TRIO: variants seen among roughly 807,000 people sequenced by gnomAD.
The protein encoded by TRIO is trio Rho guanine nucleotide exchange factor, also known as triple functional domain protein.
In TRIO, 58 loss-of-function variants were observed where a neutral mutation model predicts 351.9. The observed-to-expected ratio is 0.16, with a 90% CI of 0.13 to 0.21. The LOEUF is 0.21. TRIO is among the 10% of genes least tolerant of loss of function. The pLI, the probability that TRIO is intolerant of heterozygous loss-of-function variation, is 1.00. For synonymous variants in TRIO, 1,758 were observed against 1,595.7 expected (o/e 1.10, Z -2.42); for missense variants, 3,201 against 4,027.8 (o/e 0.79, Z 5.56).
chr5:14,461,708 C>A (rs1469619786), intron 35 of TRIO, among the ~76,000 whole-genome samples: 1 of 152,194 alleles, frequency 6.6e-6, no homozygotes, highest in Non-Finnish European at 1.5e-5. Flanking sequence ...AGTCTCTGAG[C>A]TGATCATTGT....
chr5:14,290,601 C>T, intron 4 of TRIO, 115 bp from the exon 5 acceptor site: 2 of 1,099,980 alleles, frequency 1.8e-6, no homozygotes, highest in South Asian at 3.4e-5. Context: ...GTTATGTTTT[C>T]TATAAATAGA....
chr5:14,489,927 C>T (rs538128287), intron 48 of TRIO, among the ~76,000 whole-genome samples: 12 of 152,260 alleles, frequency 7.9e-5, no homozygotes, highest in African/African-American at 2.9e-4. Context: ...GTCAAGATGC[C>T]TTACAGAAAT....
rs962789565 is a variant in TRIO at position 14,498,847 on chromosome 5, A to T, written c.8332+207A>T. The T allele has an allele frequency of 1.8e-4, 110 of 621,028 alleles. 1 individual carries two copies. The highest frequency in any genetic ancestry group is 6.2e-5 in the Non-Finnish European group (25 of 401,242). 38.5% of individuals were successfully genotyped at this position (621,028 alleles called of 1,614,324 possible). ...AGTGACCTCTCGGCACCTTATGTAA[A>T]GTCGGGGGAGACACCGGAGCTCCTG... On this transcript the variant is annotated intron_variant, in intron 53 of 56. Coordinates refer to ENST00000344204, the MANE Select transcript of TRIO (RefSeq NM_007118.4).
intron 1 of TRIO, among the ~76,000 whole-genome samples, chr5:14,178,925 G>A (rs1789576421): frequency 1.3e-5 from 2 of 152,198 alleles, no homozygotes; most frequent in African/African-American, 2.4e-5. Context: ...CTCATTTTGT[G>A]TGTGAGCTAA....
chr5:14,329,867 C>A (rs1342822988), intron 9 of TRIO, among the ~76,000 whole-genome samples: 1 of 152,118 alleles, frequency 6.6e-6, no homozygotes, highest in African/African-American at 2.4e-5. Context: ...CCTATGGGTG[C>A]CTAAGTCCTG....
At chr5:14,371,407 C>T (rs1368964556) in intron 18 of TRIO, among the ~76,000 whole-genome samples, 3 of 152,152 alleles carry the variant, frequency 2.0e-5, no homozygotes, top group Admixed American at 6.5e-5. Context: ...AATGGATTCT[C>T]CTCCTATTTT....
intron 1 of TRIO, among the ~76,000 whole-genome samples, chr5:14,201,248 G>GA (rs1232680772): frequency 6.6e-6 from 1 of 151,924 alleles, no homozygotes; most frequent in African/African-American, 2.4e-5. Flanking sequence ...CAACAAGAGC[G>GA]AAACTCCATC....
intron 1 of TRIO, among the ~76,000 whole-genome samples, chr5:14,270,094 T>G (rs766054909): frequency 2.0e-5 from 3 of 152,244 alleles, no homozygotes; most frequent in Non-Finnish European, 4.4e-5. Context: ...TTCCTTTTGC[T>G]TAGATGGATT....
chr5:14,489,063 G>C (rs368031530), intron 48 of TRIO: 16 of 765,090 alleles, frequency 2.1e-5, no homozygotes, highest in South Asian at 1.9e-4. Context: ...CTTTCCTGAA[G>C]GCATGCGTGA....
rs1479408104 is a variant in TRIO at position 14,471,417 on chromosome 5, C to T, written c.5863C>T (p.Pro1955Ser). 1.9e-6 allele frequency: 3 copies of T among 1,614,032 alleles called. No homozygotes were observed. In the Admixed American group the frequency reaches 5.0e-5, roughly 27 times the overall value. ...SDNSLLSSSSPIDEMEERKSS... is the reference protein window; with the variant it reads ...SDNSLLSSSSSIDEMEERKSS... ...TAATTCCCTTCTCTCTTCCTCCTCG[C>T]CCATTGATGAGATGGAAGAAAGGAA... The change falls in exon 38 of 57, where the codon CCC becomes TCC. Residue 1955 changes from proline (P) to serine (S), a missense_variant. This residue lies in a region of TRIO where 307 missense variants were observed against 396.5 expected (regional missense o/e 0.77). Coordinates refer to ENST00000344204, the MANE Select transcript of TRIO (RefSeq NM_007118.4).
chr5:14,378,899 T>G (rs1745816258), intron 20 of TRIO, among the ~76,000 whole-genome samples: 1 of 152,186 alleles, frequency 6.6e-6, no homozygotes, highest in Admixed American at 6.5e-5. Context: ...AAAGTGTTGA[T>G]GTATCAAGGG....
In TRIO at chr5:14,498,639, A is replaced by T. The variant is rs1163064042; in HGVS notation, c.8331A>T (p.Leu2777=). 6.2e-7 allele frequency: 1 copy of T among 1,613,094 alleles called. No homozygotes were observed. The change falls in exon 53 of 57, where the codon CTA becomes CTT. Residue 2777 remains leucine, a splice_region_variant and synonymous_variant. Transcript: ENST00000344204. ...SASSSASLRV[L]GPGMDGIMVT... is the part of the protein sequence containing the mutation. ...CATCGTCGGCCAGCCTGAGGGTCCTAGGTAAGCACCGTGCAACGAGGATTC... is the reference window on the plus strand; with the variant it reads ...CATCGTCGGCCAGCCTGAGGGTCCTTGGTAAGCACCGTGCAACGAGGATTC...
In TRIO at chr5:14,314,991, A is replaced by G. The variant is rs1444507331; in HGVS notation, c.1501-1522A>G. ...GAATTTTAAACCCTGAAGCCTTCGT[A>G]AGGAATAATCAGCATTTCCAACGTC... On this transcript the variant is annotated intron_variant, in intron 8 of 56. Coordinates refer to ENST00000344204, the MANE Select transcript of TRIO (RefSeq NM_007118.4). 1.4e-4 allele frequency among the ~76,000 whole-genome samples: 21 copies of G among 152,224 alleles called. 1 individual carries two copies. The highest frequency in any genetic ancestry group is 1.4e-3 in the Admixed American group (21 of 15,286).
chr5:14,474,872 G>T (rs983022028), intron 40 of TRIO, among the ~76,000 whole-genome samples: 1 of 152,106 alleles, frequency 6.6e-6, no homozygotes, highest in Non-Finnish European at 1.5e-5. Flanking sequence ...ACACGGGCTT[G>T]CTGTGTTGCC....
At chr5:14,414,208 T>C (rs1749445599) in intron 33 of TRIO, among the ~76,000 whole-genome samples, 1 of 152,238 alleles carries the variant, frequency 6.6e-6, no homozygotes, top group African/African-American at 2.4e-5. Context: ...AGCGTTTACC[T>C]GCCACGCCAC....
chr5:14,212,603 G>A (rs982863204), intron 1 of TRIO, among the ~76,000 whole-genome samples: 3 of 152,170 alleles, frequency 2.0e-5, no homozygotes, highest in African/African-American at 7.2e-5. Context: ...GCCTGAGGAA[G>A]GCCTGTGGTG....
At chr5:14,280,577 T>C in intron 3 of TRIO, 141 bp downstream of exon 3, 1 of 737,096 alleles carries the variant, frequency 1.4e-6, no homozygotes, top group Non-Finnish European at 2.2e-6. Context: ...TTTCACCTTA[T>C]TACCATTTTG....
intron 1 of TRIO, among the ~76,000 whole-genome samples, chr5:14,233,694 C>A (rs1347019033): frequency 6.6e-6 from 1 of 152,104 alleles, no homozygotes; most frequent in African/African-American, 2.4e-5. Context: ...TGCACCACCA[C>A]GCCTGGCTAA....
intron 33 of TRIO, among the ~76,000 whole-genome samples, 169 bp from the exon 34 acceptor site, chr5:14,419,609 T>G (rs1005920258): frequency 6.6e-6 from 1 of 152,216 alleles, no homozygotes; most frequent in Non-Finnish European, 1.5e-5. Flanking sequence ...GAAGCTCTTA[T>G]GAAAAATCAT....
Sources: allele counts gnomAD v4.1 joint callset (sites outside exome capture counted in the v4.1 genomes callset), GRCh38; gene constraint gnomAD v4.1.1; regional missense constraint gnomAD v4.1.1; transcripts MANE v1.5; gene names NCBI Gene and HGNC (gene_info 2026-07-23, HGNC 2026-07-21).